The following STK3 variants were observed in gnomAD, a reference collection of about 807,000 sequenced individuals.
STK3 encodes the protein serine/threonine-protein kinase 3.
Under a neutral mutation model 58.0 loss-of-function variants are expected in STK3, and 41 were observed. That is an observed-to-expected ratio of 0.71 (90% CI 0.55 to 0.92). STK3 has a LOEUF of 0.92. Ranked by LOEUF, STK3 falls within the 40% of genes least tolerant of loss-of-function variation. The pLI is 0.00. For missense variants in STK3, 479 were observed against 602.7 expected, an observed-to-expected ratio of 0.79 and a Z score of 2.15; for synonymous variants, 170 against 191.0, an observed-to-expected ratio of 0.89 and a Z score of 0.91.
intron 3 of STK3, among the ~76,000 whole-genome samples, chr8:98,419,571 A>G (rs1818148757): frequency 6.6e-6 from 1 of 152,162 alleles, no homozygotes; most frequent in African/African-American, 2.4e-5. Context: ...ACTCCTAGAG[A>G]GCCTGGGCAT....
At chr8:98,500,606 T>A (rs1482771802) in intron 10 of STK3, among the ~76,000 whole-genome samples, 2 of 152,166 alleles carry the variant, frequency 1.3e-5, no homozygotes, top group Non-Finnish European at 2.9e-5. Context: ...GTGGTTTTTG[T>A]TGCCACTGCT....
chr8:98,732,613 C>T (rs887433403), intron 4 of STK3, among the ~76,000 whole-genome samples: 1 of 151,930 alleles, frequency 6.6e-6, no homozygotes, highest in Non-Finnish European at 1.5e-5. Flanking sequence ...AGGAAGAATA[C>T]AAAACAAAGG....
intron 1 of STK3, among the ~76,000 whole-genome samples, chr8:98,818,744 A>G (rs1172154625): frequency 1.3e-5 from 2 of 152,208 alleles, no homozygotes; most frequent in South Asian, 2.1e-4. Context: ...TCATTTTTCA[A>G]GATATACTCC....
intron 6 of STK3, among the ~76,000 whole-genome samples, chr8:98,596,758 A>G (rs1047415104): frequency 6.6e-6 from 1 of 152,114 alleles, no homozygotes; most frequent in Non-Finnish European, 1.5e-5. Context: ...GGTAATGATA[A>G]TACATTCAGA....
chr8:98,445,864 A>G (rs1200655412), intron 1 of STK3, among the ~76,000 whole-genome samples: 1 of 152,242 alleles, frequency 6.6e-6, no homozygotes, highest in Non-Finnish European at 1.5e-5. Context: ...AGAATTGAGT[A>G]CAGCCGAGTG....
intron 6 of STK3, among the ~76,000 whole-genome samples, chr8:98,656,096 C>G (rs962069700): frequency 1.3e-5 from 2 of 152,080 alleles, no homozygotes; most frequent in Non-Finnish European, 2.9e-5. Context: ...AAATGTCCAA[C>G]AATGATAGAC....
At position 98,819,474 on chromosome 8, in the gene STK3, C is replaced by T. The variant is rs556650687; in HGVS notation, c.26+6041G>A. Among the ~76,000 whole-genome samples the T allele has an allele frequency of 1.4e-4, 21 of 152,238 alleles. No individual in the cohort carries two copies. The South Asian group carries it at 2.7e-3, about 20-fold the overall frequency. Reference sequence around the variant, plus strand: ...AGCCAACTGACTATTCCCATCAGCACGGCCTAAAGCAATCCTAATCAAGTT... The same window carrying T: ...AGCCAACTGACTATTCCCATCAGCATGGCCTAAAGCAATCCTAATCAAGTT... On this transcript the variant is annotated intron_variant, in intron 1 of 10. Coordinates refer to ENST00000419617, the MANE Select transcript of STK3 (RefSeq NM_006281.4).
intron 8 of STK3, among the ~76,000 whole-genome samples, chr8:98,573,995 A>AC (rs1485835602): frequency 6.6e-6 from 1 of 152,000 alleles, no homozygotes. Flanking sequence ...TATCATGAGA[A>AC]CAGCATGTGA....
rs145457099 is a variant in STK3, at chr8:98,806,177, A to T, written c.26+19338T>A. The stretch of plus-strand genomic sequence containing the variant: ...AAATACCTACCACAGAACCTCACAC[A>T]CTACTGTTTAAATAACATATCTAAT... On this transcript the variant is annotated intron_variant, in intron 1 of 10. Transcript: ENST00000419617. Among the ~76,000 whole-genome samples, 12 of 152,302 alleles carry T rather than the reference A, an allele frequency of 7.9e-5. No homozygotes were observed. In the East Asian group the frequency reaches 2.3e-3, roughly 29 times the overall value.
downstream of STK3, among the ~76,000 whole-genome samples, chr8:98,453,093 T>G (rs1284474418): frequency 7.4e-5 from 6 of 81,352 alleles, 2 homozygotes; most frequent in Non-Finnish European, 1.3e-4. Context: ...TTTTTTTTTT[T>G]TTTTTTTTTT....
chr8:98,707,406 G>A (rs1587368710), intron 4 of STK3, 95 bp from the exon 5 acceptor site: 1 of 956,490 alleles, frequency 1.0e-6, no homozygotes, highest in Non-Finnish European at 1.5e-6. Context: ...TTCCGTGTGT[G>A]TGTGTGTGTT....
At chr8:98,849,787 G>T (rs573313342) in intron 3 of STK3, among the ~76,000 whole-genome samples, 1 of 152,128 alleles carries the variant, frequency 6.6e-6, no homozygotes, top group East Asian at 1.9e-4. Context: ...TGGGGGTGGG[G>T]ATTATTTTTA....
chr8:98,716,267 T>C (rs1827005712), intron 4 of STK3, among the ~76,000 whole-genome samples: 1 of 152,054 alleles, frequency 6.6e-6, no homozygotes, highest in South Asian at 2.1e-4. Context: ...ACATGTACCC[T>C]AAAACTTAAA....
rs1463621970 is a variant in STK3, at chr8:98,632,305, C to T, written c.685-36136G>A. 2.6e-5 allele frequency among the ~76,000 whole-genome samples: 4 copies of T among 152,290 alleles called. No individual in the cohort carries two copies. The East Asian group carries it at 7.7e-4, about 29-fold the overall frequency. ...AATGAGAGATTGGCGACCATGTGAA[C>T]TCACCTCAAGAGAATAATAGATACC... On this transcript the variant is annotated intron_variant, in intron 6 of 10. Coordinates refer to ENST00000419617, the MANE Select transcript of STK3 (RefSeq NM_006281.4).
chr8:98,803,328 A>T (rs1833690639), intron 1 of STK3, among the ~76,000 whole-genome samples: 1 of 152,176 alleles, frequency 6.6e-6, no homozygotes, highest in South Asian at 2.1e-4. Flanking sequence ...ATGGTGGCTC[A>T]CGCCTGTAAT....
chr8:98,361,520 G>T, the STK3 span, among the ~76,000 whole-genome samples: 1 of 152,106 alleles, frequency 6.6e-6, no homozygotes, highest in Non-Finnish European at 1.5e-5. Context: ...GAGGGTTAAT[G>T]AAGTACTCAG....
chr8:98,589,540 GCTGT>G (rs1204995210), intron 7 of STK3, among the ~76,000 whole-genome samples: 1 of 152,256 alleles, frequency 6.6e-6, no homozygotes, highest in Non-Finnish European at 1.5e-5. Context: ...AGAGGTTACT[GCTGT>G]CTTTTTGTTT....
chr8:98,761,267 G>A (rs1830598021), intron 3 of STK3, among the ~76,000 whole-genome samples: 4 of 151,816 alleles, frequency 2.6e-5, no homozygotes, highest in Admixed American at 1.3e-4. Flanking sequence ...TGGGACTACA[G>A]GCACGTGCCA....
chr8:98,474,677 T>G (rs1055004169), intron 10 of STK3, among the ~76,000 whole-genome samples: 1 of 152,222 alleles, frequency 6.6e-6, no homozygotes, highest in African/African-American at 2.4e-5. Context: ...TGAAGTTCTA[T>G]TCATCTTTAG....
Sources: gnomAD v4.1 joint callset for allele counts (sites outside exome capture counted in the v4.1 genomes callset) on GRCh38, gnomAD v4.1.1 for gene constraint, MANE v1.5 for transcripts, NCBI Gene and HGNC (gene_info 2026-07-23, HGNC 2026-07-21) for gene names.